The following PAPPA2 variants were observed in gnomAD, a reference collection of about 807,000 sequenced individuals.
PAPPA2 encodes pappalysin-2.
PAPPA2 carries 86 observed loss-of-function variants against 176.4 expected under a neutral mutation model. That is an observed-to-expected ratio of 0.49 (90% CI 0.41 to 0.58). The LOEUF (loss-of-function observed/expected upper bound fraction) is 0.58. Among genes scored for constraint, PAPPA2 ranks in the 20% least tolerant of loss-of-function variants. The pLI is 0.00. For synonymous variants in PAPPA2, 809 were observed against 852.2 expected (o/e 0.95, Z 0.88); for missense variants, 2,073 against 2,256.9 (o/e 0.92, Z 1.65).
rs113453466 is a variant in PAPPA2 at position 176,818,084 on chromosome 1, G to A, written c.5202+17952G>A. Among the ~76,000 whole-genome samples, 1,498 of 152,248 alleles carry A rather than the reference G, an allele frequency of 9.8e-3. 33 individuals are homozygous for A. Among genetic ancestry groups the A allele is most frequent in the African/African-American group, 0.034 (1,428 of 41,544 alleles). On this transcript the variant is annotated intron_variant, in intron 21 of 22. Coordinates refer to ENST00000367662, the MANE Select transcript of PAPPA2 (RefSeq NM_020318.3). ...TGGTCTTAGGAAACCCATTTAAGAAGGGAGGCCTAAGGGAAAAAGAAATGG... is the reference window on the plus strand; with the variant it reads ...TGGTCTTAGGAAACCCATTTAAGAAAGGAGGCCTAAGGGAAAAAGAAATGG...
At chr1:176,712,119 T>C (rs1661176769) in intron 12 of PAPPA2, 138 bp downstream of exon 12, 2 of 1,073,958 alleles carry the variant, frequency 1.9e-6, no homozygotes, top group South Asian at 4.1e-5. Context: ...AGTGTTAATA[T>C]TTTGAGTTTA....
chr1:176,765,720 T>A lies in PAPPA2; in HGVS notation c.4206T>A (p.Asp1402Glu), dbSNP rs1215765900. 6.2e-7 allele frequency: 1 copy of A among 1,613,972 alleles called. No individual in the cohort carries two copies. Among genetic ancestry groups the A allele is most frequent in the East Asian group, 2.2e-5 (1 of 44,850 alleles). Residue 1402 changes from aspartate (D) to glutamate (E), a missense_variant, in exon 15 of 23, where the codon GAT becomes GAA. Coordinates refer to ENST00000367662, the MANE Select transcript of PAPPA2 (RefSeq NM_020318.3). The part of the protein sequence containing the change: ...KQDSCPSLLL[D>E]HADVVNCTSI... ...ACAGCTGTCCGTCATTGCTGCTTGA[T>A]CATGCTGATGTGGTGAACTGTACCT...
intron 14 of PAPPA2, among the ~76,000 whole-genome samples, chr1:176,752,099 A>G (rs1331761765): frequency 2.3e-5 from 3 of 129,890 alleles, no homozygotes; most frequent in Admixed American, 8.3e-5. Flanking sequence ...AGAACAAAAA[A>G]TCAAACACCG....
intron 3 of PAPPA2, among the ~76,000 whole-genome samples, chr1:176,597,632 A>G (rs1240661669): frequency 2.0e-5 from 3 of 152,168 alleles, no homozygotes; most frequent in Non-Finnish European, 2.9e-5. Flanking sequence ...GTGTGTACCT[A>G]TGTAACAAAC....
At chr1:176,480,907 C>T (rs1022678070) in intron 1 of PAPPA2, among the ~76,000 whole-genome samples, 6 of 152,062 alleles carry the variant, frequency 3.9e-5, no homozygotes, top group African/African-American at 1.4e-4. Flanking sequence ...CCCACAGCAG[C>T]CACCTTCAAC....
At chr1:176,468,432 T>G (rs1275292004) in intron 1 of PAPPA2, among the ~76,000 whole-genome samples, 1 of 152,180 alleles carries the variant, frequency 6.6e-6, no homozygotes, top group East Asian at 1.9e-4. Context: ...CAAATTCACA[T>G]TGCCAACTCT....
intron 1 of PAPPA2, among the ~76,000 whole-genome samples, chr1:176,521,140 C>A (rs568340757): frequency 4.0e-5 from 6 of 150,890 alleles, no homozygotes; most frequent in African/African-American, 1.5e-4. Flanking sequence ...GAGAGTAGGG[C>A]GGTGTAGTGG....
At chr1:176,605,694 C>T (rs1248442307) in intron 3 of PAPPA2, among the ~76,000 whole-genome samples, 1 of 152,180 alleles carries the variant, frequency 6.6e-6, no homozygotes, top group Non-Finnish European at 1.5e-5. Context: ...CTCATCTTTA[C>T]ATGTTAGTTC....
Position 176,749,602 on chromosome 1 carries a change from C to T in PAPPA2, c.4151+9406C>T, listed in dbSNP as rs373013174. Among the ~76,000 whole-genome samples the T allele has an allele frequency of 7.9e-5, 12 of 152,302 alleles. No individual in the cohort carries two copies. In the South Asian group the frequency reaches 2.5e-3, roughly 32 times the overall value. On this transcript the variant is annotated intron_variant, in intron 14 of 22. Coordinates refer to ENST00000367662, the MANE Select transcript of PAPPA2 (RefSeq NM_020318.3). ...AATCCTCTGTGTTCTGCCTATTCAC[C>T]ACCATACCCTACATCCCTGCTGTCC...
intron 2 of PAPPA2, among the ~76,000 whole-genome samples, chr1:176,579,227 G>A (rs78398339): frequency 0.034 from 5,106 of 152,068 alleles, 132 homozygotes; most frequent in South Asian, 0.15. Context: ...TTACATTCCC[G>A]TCAAATACAG....
Position 176,556,562 on chromosome 1 carries a change from G to A in PAPPA2, c.240G>A (p.Arg80=). ...CCAGCAGGGCTGGGAACTACCTAAG[G>A]CCCTACCCCGTGGGGGAGCAAGAAA... ...VYPSRAGNYL[R]PYPVGEQEIH... The change falls in exon 2 of 23, where the codon AGG becomes AGA. Residue 80 remains arginine (R), a synonymous_variant. Coordinates refer to ENST00000367662, the MANE Select transcript of PAPPA2 (RefSeq NM_020318.3). The A allele has an allele frequency of 1.2e-6, 2 of 1,614,190 alleles. No homozygotes were observed. The highest frequency in any genetic ancestry group is 1.7e-6 in the Non-Finnish European group (2 of 1,180,040).
At chr1:176,507,067 A>G (rs147893492) in intron 1 of PAPPA2, among the ~76,000 whole-genome samples, 1,523 of 152,274 alleles carry the variant, frequency 0.01, 11 homozygotes, top group Middle Eastern at 0.017. Flanking sequence ...TCCAGAATCT[A>G]TAGGGAATTT....
chr1:176,653,829 G>A (rs1287056910), intron 3 of PAPPA2, among the ~76,000 whole-genome samples: 1 of 151,532 alleles, frequency 6.6e-6, no homozygotes, highest in Non-Finnish European at 1.5e-5. Context: ...TACTTCTGAT[G>A]GATAATTTTC....
intron 4 of PAPPA2, among the ~76,000 whole-genome samples, chr1:176,689,251 A>G (rs1050242865): frequency 1.3e-4 from 20 of 152,332 alleles, no homozygotes; most frequent in African/African-American, 4.1e-4. Context: ...AGCTACACAG[A>G]TAGAAGTTGG....
At chr1:176,483,460 CTTTTTTTTTTT>C (rs56705620) in intron 1 of PAPPA2, among the ~76,000 whole-genome samples, 29 of 48,632 alleles carry the variant, frequency 6.0e-4, no homozygotes, top group Non-Finnish European at 9.5e-4. Flanking sequence ...ACTCAGACAT[CTTTTTTTTTTT>C]TTTTTTTTTT....
intron 12 of PAPPA2, among the ~76,000 whole-genome samples, chr1:176,724,987 C>T (rs568890479): frequency 6.6e-6 from 1 of 152,134 alleles, no homozygotes; most frequent in South Asian, 2.1e-4. Context: ...GGTCCTTTCT[C>T]TCTACACCAG....
In PAPPA2 at chr1:176,783,898, C is replaced by T. The variant is rs185813352; in HGVS notation, c.4716-5911C>T. Among the ~76,000 whole-genome samples, 75 of 152,274 alleles carry T rather than the reference C, an allele frequency of 4.9e-4. 1 individual carries two copies. Among genetic ancestry groups the T allele is most frequent in the Admixed American group, 6.5e-4 (10 of 15,290 alleles). On this transcript the variant is annotated intron_variant, in intron 17 of 22. Coordinates refer to ENST00000367662, the MANE Select transcript of PAPPA2 (RefSeq NM_020318.3). The stretch of plus-strand genomic sequence containing the variant: ...TAAAGATACAGAATCCTGGGCCCCT[C>T]TCAGGAGTTTTAATGCAGTAAGCCT...
In PAPPA2 at chr1:176,699,096, C is replaced by T. The variant is rs750110379; in HGVS notation, c.2747-4C>T. 6.2e-7 allele frequency: 1 copy of T among 1,607,178 alleles called. No homozygotes were observed. Among genetic ancestry groups the T allele is most frequent in the Non-Finnish European group, 8.5e-7 (1 of 1,175,318 alleles). On this transcript the variant is annotated splice_region_variant and splice_polypyrimidine_tract_variant and intron_variant, in intron 7 of 22. Transcript: ENST00000367662. ...GATGTATCTTTCTGCTAATCTCCCC[C>T]CAGGGCCTCCTGATGTGGATCAGCC... is the stretch of plus-strand genomic sequence containing the variant.
In PAPPA2 at chr1:176,632,001, C is replaced by T. The variant is rs144402175; in HGVS notation, c.1991+36406C>T. On this transcript the variant is annotated intron_variant, in intron 3 of 22. Transcript: ENST00000367662. Reference sequence around the variant, plus strand: ...AGAGGATGATGGAGATGTTTGTAGCCTAGAAGTAGCAAGTTAAGGGAAGTG... The same window carrying T: ...AGAGGATGATGGAGATGTTTGTAGCTTAGAAGTAGCAAGTTAAGGGAAGTG... Among the ~76,000 whole-genome samples, 450 of 152,122 alleles carry T rather than the reference C, an allele frequency of 3.0e-3. 3 individuals are homozygous for T. Among genetic ancestry groups the T allele is most frequent in the African/African-American group, 0.011 (437 of 41,514 alleles).
Sources: allele counts gnomAD v4.1 joint callset (sites outside exome capture counted in the v4.1 genomes callset), GRCh38; gene constraint gnomAD v4.1.1; transcripts MANE v1.5; gene names NCBI Gene and HGNC (gene_info 2026-07-23, HGNC 2026-07-21).